DPP10: variants seen among roughly 807,000 people sequenced by gnomAD.
The protein encoded by DPP10 is dipeptidyl peptidase like 10, also known as inactive dipeptidyl peptidase 10.
DPP10 carries 33 observed loss-of-function variants against 120.9 expected under a neutral mutation model. The observed-to-expected ratio is 0.27, with a 90% CI of 0.21 to 0.37. DPP10 has a LOEUF of 0.37. Ranked by LOEUF, DPP10 falls within the 10% of genes least tolerant of loss-of-function variation. The pLI, the probability that DPP10 is intolerant of heterozygous loss-of-function variation, is 1.00. For synonymous variants in DPP10, 337 were observed against 326.1 expected (o/e 1.03, Z -0.36); for missense variants, 816 against 942.8 (o/e 0.87, Z 1.76).
At position 114,679,359 on chromosome 2, in the gene DPP10, T is replaced by G. The variant is rs1698873338; in HGVS notation, c.60+236521T>G. ...CTAGTGTAATACTAGAATAATTGTT[T>G]TATAAAAGACCCTGCTGTTATTGTA... On this transcript the variant is annotated intron_variant, in intron 1 of 25. Transcript: ENST00000410059. Among the ~76,000 whole-genome samples, 3 of 151,990 alleles carry G rather than the reference T, an allele frequency of 2.0e-5. No homozygotes were observed. In the South Asian group the frequency reaches 6.2e-4, roughly 31 times the overall value.
chr2:115,802,665 T>C (rs1685406445), intron 19 of DPP10, among the ~76,000 whole-genome samples: 2 of 152,216 alleles, frequency 1.3e-5, no homozygotes, highest in Non-Finnish European at 2.9e-5. Flanking sequence ...AACATCTTTA[T>C]TTCTGCCTTC....
At chr2:115,267,764 G>A (rs988175280) in intron 1 of DPP10, among the ~76,000 whole-genome samples, 5 of 152,086 alleles carry the variant, frequency 3.3e-5, no homozygotes, top group African/African-American at 1.2e-4. Context: ...AAATCACAGA[G>A]CCTTCACGAT....
chr2:115,102,916 C>T (rs774234244), intron 1 of DPP10, among the ~76,000 whole-genome samples: 8 of 152,180 alleles, frequency 5.3e-5, no homozygotes, highest in Non-Finnish European at 7.3e-5. Flanking sequence ...ACAGGGCCAA[C>T]ACACTGAAAA....
intron 5 of DPP10, among the ~76,000 whole-genome samples, chr2:115,531,427 A>G (rs545836889): frequency 1.9e-4 from 29 of 152,228 alleles, no homozygotes; most frequent in Admixed American, 1.6e-3. Flanking sequence ...CAGGACAAAG[A>G]TTAATAGAAA....
chr2:115,377,507 G>A (rs1464740739), intron 3 of DPP10, among the ~76,000 whole-genome samples: 3 of 152,100 alleles, frequency 2.0e-5, no homozygotes, highest in Non-Finnish European at 4.4e-5. Context: ...TAGGTTGCCT[G>A]TTCACTCTGA....
intron 19 of DPP10, among the ~76,000 whole-genome samples, chr2:115,798,208 T>C (rs1012401823): frequency 3.3e-5 from 5 of 151,972 alleles, no homozygotes; most frequent in African/African-American, 1.2e-4. Context: ...AGTTCTTAGT[T>C]TTAGATGGTC....
chr2:115,036,975 T>C (rs546884945), intron 1 of DPP10, among the ~76,000 whole-genome samples: 5 of 152,272 alleles, frequency 3.3e-5, no homozygotes, highest in Middle Eastern at 3.4e-3. Context: ...GGTGACTTTT[T>C]TTCTGAGGGA....
At chr2:115,834,363 T>C (rs1689231805) in intron 21 of DPP10, among the ~76,000 whole-genome samples, 2 of 152,212 alleles carry the variant, frequency 1.3e-5, no homozygotes, top group Admixed American at 6.5e-5. Context: ...ATGAACAAAC[T>C]GCATCAGAAT....
chr2:115,197,317 G>T (rs546985994), intron 1 of DPP10, among the ~76,000 whole-genome samples: 1 of 151,956 alleles, frequency 6.6e-6, no homozygotes, highest in South Asian at 2.1e-4. Flanking sequence ...GCCTGAACCT[G>T]GGAGGCGGAG....
At chr2:115,445,556 G>A (rs1167850324) in intron 3 of DPP10, among the ~76,000 whole-genome samples, 1 of 152,148 alleles carries the variant, frequency 6.6e-6, no homozygotes, top group East Asian at 1.9e-4. Flanking sequence ...CTATGCTTTA[G>A]CAAAGATACT....
At chr2:115,442,087 C>T (rs1558665161) in intron 3 of DPP10, among the ~76,000 whole-genome samples, 1 of 152,058 alleles carries the variant, frequency 6.6e-6, no homozygotes, top group African/African-American at 2.4e-5. Context: ...TCTGGGATTA[C>T]AGACATGAGC....
At chr2:115,527,300 A>T (rs1167369133) in intron 5 of DPP10, among the ~76,000 whole-genome samples, 1 of 152,120 alleles carries the variant, frequency 6.6e-6, no homozygotes, top group East Asian at 1.9e-4. Context: ...CTAGTGCCAG[A>T]ACAATCAGAT....
intron 1 of DPP10, among the ~76,000 whole-genome samples, chr2:114,861,021 T>A (rs1216504681): frequency 2.0e-5 from 3 of 152,214 alleles, no homozygotes; most frequent in Non-Finnish European, 4.4e-5. Context: ...AACCCAGGTC[T>A]CTTTTCATCA....
rs138358640 is a variant in DPP10, at chr2:115,789,729, A to C, written c.1532-1352A>C. On this transcript the variant is annotated intron_variant, in intron 17 of 25. Coordinates refer to ENST00000410059, the MANE Select transcript of DPP10 (RefSeq NM_020868.6). ...AAACAAAAAATTGTGGAATATACAC[A>C]CAATAAACTATTGAAAATAAGTGAA... Among the ~76,000 whole-genome samples the C allele has an allele frequency of 4.9e-3, 742 of 152,366 alleles. 8 individuals carry two copies. The highest frequency in any genetic ancestry group is 0.016 in the African/African-American group (658 of 41,586).
chr2:115,405,942 G>A (rs1421837465), intron 3 of DPP10, among the ~76,000 whole-genome samples: 1 of 152,196 alleles, frequency 6.6e-6, no homozygotes, highest in Non-Finnish European at 1.5e-5. Flanking sequence ...TTTTCCCACT[G>A]TCCTGATAAA....
chr2:114,696,738 C>T (rs777492806), intron 1 of DPP10, among the ~76,000 whole-genome samples: 4 of 151,220 alleles, frequency 2.6e-5, no homozygotes, highest in Admixed American at 6.6e-5. Flanking sequence ...TGTGTGCGCG[C>T]GTGCCATAAA....
chr2:114,552,854 A>G (rs1035532912), intron 1 of DPP10, among the ~76,000 whole-genome samples: 4 of 151,966 alleles, frequency 2.6e-5, no homozygotes, highest in Non-Finnish European at 4.4e-5. Flanking sequence ...CCCATTATAC[A>G]TTCTTTCTAT....
chr2:115,321,552 A>G (rs1350286741), intron 2 of DPP10, among the ~76,000 whole-genome samples: 1 of 123,168 alleles, frequency 8.1e-6, no homozygotes, highest in Non-Finnish European at 1.7e-5. Flanking sequence ...AACTTCTTGA[A>G]CATATAGTTC....
chr2:114,824,718 A>T lies in DPP10; in HGVS notation c.60+381880A>T, dbSNP rs183495307. 1.5e-3 allele frequency among the ~76,000 whole-genome samples: 233 copies of T among 152,338 alleles called. 7 individuals are homozygous for T. The highest frequency in any genetic ancestry group is 0.015 in the Admixed American group (230 of 15,302). On this transcript the variant is annotated intron_variant, in intron 1 of 25. Transcript: ENST00000410059. ...TGTTATTGCTAGGAAGAATCTAAAA[A>T]TAGCGTTAATTGATTAAAAAGTGAA...
Sources: allele counts gnomAD v4.1 joint callset (sites outside exome capture counted in the v4.1 genomes callset), GRCh38; gene constraint gnomAD v4.1.1; transcripts MANE v1.5; gene names NCBI Gene and HGNC (gene_info 2026-07-23, HGNC 2026-07-21).